MAP3K13: variants seen among roughly 807,000 people sequenced by gnomAD.
MAP3K13 encodes the protein leucine zipper-bearing kinase.
In MAP3K13, 52 loss-of-function variants were observed where a neutral mutation model predicts 104.0. The observed-to-expected ratio is 0.50, with a 90% CI of 0.40 to 0.63. The LOEUF (loss-of-function observed/expected upper bound fraction) is 0.63, where lower values mean the gene tolerates loss of function less well. Among genes scored for constraint, MAP3K13 ranks in the 20% least tolerant of loss-of-function variants. The pLI is 0.00. For synonymous variants in MAP3K13, 394 were observed against 442.2 expected (o/e 0.89, Z 1.37); for missense variants, 914 against 1,218.5 (o/e 0.75, Z 3.72).
rs191058991 is a variant in MAP3K13, at chr3:185,463,675, C to T, written c.1388+16C>T. The T allele has an allele frequency of 1.5e-4, 217 of 1,475,518 alleles. 1 individual carries two copies. The African/African-American group carries it at 2.6e-3, about 18-fold the overall frequency. The allele number at this position is 1,475,518 out of a possible 1,614,324, so 91.4% of individuals were successfully genotyped here. On this transcript the variant is annotated intron_variant, in intron 8 of 13. Coordinates refer to ENST00000265026, the MANE Select transcript of MAP3K13 (RefSeq NM_004721.5). ...AAGAGCTCAGGTCAGCTCATCCCTC[C>T]TTCCCCACCTCCCTTCATCCCCAGG...
chr3:185,411,841 G>T (rs1177697952), intron 1 of MAP3K13, among the ~76,000 whole-genome samples: 2 of 147,416 alleles, frequency 1.4e-5, no homozygotes, highest in African/African-American at 5.0e-5. Flanking sequence ...CTGGAATGCG[G>T]TGGCATGATC....
intron 1 of MAP3K13, among the ~76,000 whole-genome samples, chr3:185,406,418 A>G (rs1713117366): frequency 6.6e-6 from 1 of 152,230 alleles, no homozygotes; most frequent in African/African-American, 2.4e-5. Context: ...CTATTGTGCA[A>G]TTTAAGTCTT....
At chr3:185,467,397 T>C (rs1221505522) in intron 10 of MAP3K13, among the ~76,000 whole-genome samples, 1 of 152,232 alleles carries the variant, frequency 6.6e-6, no homozygotes, top group African/African-American at 2.4e-5. Flanking sequence ...AGACCATGCA[T>C]GGCTTACTTT....
At chr3:185,422,228 A>G (rs1714174771) in intron 1 of MAP3K13, among the ~76,000 whole-genome samples, 3 of 152,172 alleles carry the variant, frequency 2.0e-5, no homozygotes, top group Non-Finnish European at 4.4e-5. Flanking sequence ...TACCACGGCT[A>G]TTTGTTTCTC....
chr3:185,402,544 C>T (rs903297206), intron 1 of MAP3K13, among the ~76,000 whole-genome samples: 2 of 152,064 alleles, frequency 1.3e-5, no homozygotes, highest in Non-Finnish European at 1.5e-5. Flanking sequence ...ATAATGTTCT[C>T]GCCTTTGAAT....
intron 2 of MAP3K13, among the ~76,000 whole-genome samples, chr3:185,335,867 G>T (rs544526590): frequency 2.9e-4 from 44 of 152,214 alleles, no homozygotes; most frequent in Non-Finnish European, 5.4e-4. Flanking sequence ...GGCTTGGCCT[G>T]CTCAGCCCTC....
chr3:185,350,832 A>G (rs1285199693), intron 2 of MAP3K13, among the ~76,000 whole-genome samples: 1 of 152,250 alleles, frequency 6.6e-6, no homozygotes, highest in Non-Finnish European at 1.5e-5. Flanking sequence ...AACTTAAAAC[A>G]GAACTACCAT....
At chr3:185,478,343 C>T (rs1577629441) in intron 12 of MAP3K13, among the ~76,000 whole-genome samples, 1 of 152,074 alleles carries the variant, frequency 6.6e-6, no homozygotes, top group African/African-American at 2.4e-5. Flanking sequence ...TCTAAGAAGT[C>T]TCCCCAGGAA....
At chr3:185,347,146 C>T (rs1722959174) in intron 2 of MAP3K13, among the ~76,000 whole-genome samples, 1 of 151,818 alleles carries the variant, frequency 6.6e-6, no homozygotes, top group Non-Finnish European at 1.5e-5. Context: ...ACTACCACAC[C>T]CAGCTAATTT....
chr3:185,440,344 C>A (rs1012014905), intron 3 of MAP3K13, among the ~76,000 whole-genome samples: 3 of 152,068 alleles, frequency 2.0e-5, no homozygotes, highest in Non-Finnish European at 2.9e-5. Flanking sequence ...ACTGTTAGAC[C>A]GTTTCTATGT....
chr3:185,388,106 C>T lies in MAP3K13; in HGVS notation c.-86+24738C>T, dbSNP rs1291113537. Among the ~76,000 whole-genome samples the T allele has an allele frequency of 3.3e-5, 5 of 151,492 alleles. No homozygotes were observed. The East Asian group carries it at 9.7e-4, about 29-fold the overall frequency. ...GCTGAAAAATAATCAAGAAAACAATCCCATTTACAATTGCTACCAAAAAAA... is the reference window on the plus strand; with the variant it reads ...GCTGAAAAATAATCAAGAAAACAATTCCATTTACAATTGCTACCAAAAAAA... On this transcript the variant is annotated intron_variant, in intron 1 of 13. Coordinates refer to ENST00000265026, the MANE Select transcript of MAP3K13 (RefSeq NM_004721.5).
At chr3:185,328,787 G>A (rs1722133192) in intron 2 of MAP3K13, 1 of 158,444 alleles carries the variant, frequency 6.3e-6, no homozygotes. Flanking sequence ...AAGAGTTAGA[G>A]TAACAAACCC....
chr3:185,443,730 C>T, intron 4 of MAP3K13, 94 bp downstream of exon 4: 2 of 1,051,606 alleles, frequency 1.9e-6, no homozygotes, highest in Non-Finnish European at 1.4e-6. Context: ...AGACATCATA[C>T]CTTTAGTTCA....
At chr3:185,415,025 T>G (rs1445518386) in intron 1 of MAP3K13, among the ~76,000 whole-genome samples, 1 of 152,192 alleles carries the variant, frequency 6.6e-6, no homozygotes, top group Non-Finnish European at 1.5e-5. Context: ...AACACTTTTT[T>G]AAAAGACTTT....
At chr3:185,300,697 G>A (rs1300236502) in intron 2 of MAP3K13, among the ~76,000 whole-genome samples, 1 of 151,456 alleles carries the variant, frequency 6.6e-6, no homozygotes, top group Non-Finnish European at 1.5e-5. Flanking sequence ...TCACCATGTT[G>A]GTCAGGCTGG....
At chr3:185,331,058 A>G (rs1403343912) in intron 2 of MAP3K13, among the ~76,000 whole-genome samples, 3 of 139,484 alleles carry the variant, frequency 2.2e-5, no homozygotes, top group African/African-American at 8.0e-5. Flanking sequence ...CTCCACTTCC[A>G]CCATAACACT....
chr3:185,316,089 T>C (rs565306518), intron 2 of MAP3K13, among the ~76,000 whole-genome samples: 1 of 152,274 alleles, frequency 6.6e-6, no homozygotes, highest in East Asian at 1.9e-4. Context: ...AACCTTTGCA[T>C]TGAAAAAAAA....
Position 185,396,612 on chromosome 3 carries a change from C to T in MAP3K13, c.-85-31885C>T, listed in dbSNP as rs142172957. On this transcript the variant is annotated intron_variant, in intron 1 of 13. Transcript: ENST00000265026. ...GTATGAAATTACTTTGGAAATGCAA[C>T]TCAATATACAAATGTAAGATAACAG... Among the ~76,000 whole-genome samples the T allele has an allele frequency of 3.9e-5, 6 of 152,228 alleles. No individual in the cohort carries two copies. The East Asian group carries it at 1.2e-3, about 29-fold the overall frequency.
At position 185,418,752 on chromosome 3, in the gene MAP3K13, C is replaced by T. The variant is rs1371522079; in HGVS notation, c.-85-9745C>T. ...ATGACTCCCCCTTTTCGGAGTACAC[C>T]GATATCATTGGGCGAGCACACGCCA... On this transcript the variant is annotated intron_variant, in intron 1 of 13. Transcript: ENST00000265026. This position sits in a 1 kb window ranked among gnomAD's most constrained non-coding sequence, Gnocchi z 4.5. The T allele has an allele frequency of 9.9e-6, 16 of 1,608,644 alleles. No individual in the cohort carries two copies. Among genetic ancestry groups the T allele is most frequent in the Non-Finnish European group, 1.4e-5 (16 of 1,175,900 alleles).
Sources: allele counts gnomAD v4.1 joint callset (sites outside exome capture counted in the v4.1 genomes callset), GRCh38; gene constraint gnomAD v4.1.1; non-coding constraint Gnocchi (gnomAD v3.1); transcripts MANE v1.5; gene names NCBI Gene and HGNC (gene_info 2026-07-23, HGNC 2026-07-21).